ACP2: variants seen among roughly 807,000 people sequenced by gnomAD.
ACP2 encodes the protein lysosomal acid phosphatase.
A neutral mutation model predicts 54.7 loss-of-function variants in ACP2; 35 were observed. That is an observed-to-expected ratio of 0.64 (90% CI 0.49 to 0.85). The LOEUF (loss-of-function observed/expected upper bound fraction) is 0.85. Ranked by LOEUF, ACP2 falls within the 40% of genes least tolerant of loss-of-function variation. ACP2 has a pLI of 0.00. For synonymous variants in ACP2, 210 were observed against 224.4 expected, an observed-to-expected ratio of 0.94 and a Z score of 0.57; for missense variants, 492 against 565.0, an observed-to-expected ratio of 0.87 and a Z score of 1.31.
chr11:47,248,612 T>G, intron 1 of ACP2, 64 bp downstream of exon 1: 1 of 1,561,392 alleles, frequency 6.4e-7, no homozygotes, highest in Non-Finnish European at 8.7e-7. Context: ...ATCCTCGACC[T>G]CCACCAGCTG....
chr11:47,248,349 G>A (rs1330761600), intron 1 of ACP2: 5 of 1,258,380 alleles, frequency 4.0e-6, no homozygotes, highest in South Asian at 2.8e-5. Context: ...GCAAAGCCAA[G>A]GTACAGGTAG....
intron 7 of ACP2, among the ~76,000 whole-genome samples, chr11:47,243,863 G>A (rs911864867): frequency 1.3e-4 from 20 of 152,276 alleles, no homozygotes; most frequent in Admixed American, 9.2e-4. Flanking sequence ...AGGGCTGGGC[G>A]TGGTGGCTCA....
Position 47,241,344 on chromosome 11 carries a change from C to T in ACP2, c.1139-1095G>A, listed in dbSNP as rs527247775. Among the ~76,000 whole-genome samples, 85 of 152,278 alleles carry T rather than the reference C, an allele frequency of 5.6e-4. 1 individual carries two copies. Among genetic ancestry groups the T allele is most frequent in the Admixed American group, 5.9e-4 (9 of 15,290 alleles). ...ACCAGCCTGACCAACATGGAGAAAC[C>T]TCATCTCTACTGAAAATACAAAATC... On this transcript the variant is annotated intron_variant, in intron 10 of 10. Coordinates refer to ENST00000672073, the MANE Select transcript of ACP2 (RefSeq NM_001610.4).
At chr11:47,248,448 ACCATTCAACCACTT>A in intron 1 of ACP2, 1 of 1,543,994 alleles carries the variant, frequency 6.5e-7, no homozygotes, top group Non-Finnish European at 8.7e-7. Context: ...ATGAGTCTTA[ACCATTCAACCACTT>A]CCCTGTCTCA....
chr11:47,244,892 G>A, intron 6 of ACP2, 25 bp from the exon 7 acceptor site: 3 of 1,580,636 alleles, frequency 1.9e-6, no homozygotes, highest in Non-Finnish European at 2.6e-6. Context: ...AGGCAGGTTA[G>A]CGCCCCAGGC....
intron 6 of ACP2, 100 bp downstream of exon 6, chr11:47,245,205 A>T: frequency 7.7e-7 from 1 of 1,302,424 alleles, no homozygotes; most frequent in Non-Finnish European, 1.1e-6. Flanking sequence ...GGACCTCCCC[A>T]GGGGCGTGAC....
In ACP2 at chr11:47,247,643, C is replaced by T; in HGVS notation, c.295G>A (p.Glu99Lys). Residue 99 changes from glutamate to lysine, a missense_variant and splice_region_variant, in exon 3 of 11, where the codon GAG becomes AAG. Physicochemically the swap from Glu to Lys is moderately conservative, Grantham distance 56. Coordinates refer to ENST00000672073, the MANE Select transcript of ACP2 (RefSeq NM_001610.4). ...GCCTCTGGAGCTCCCAACCTTACCTCTTGCCGGTGATAAGAGGTGTTTAGG... is the reference window on the plus strand; with the variant it reads ...GCCTCTGGAGCTCCCAACCTTACCTTTTGCCGGTGATAAGAGGTGTTTAGG... ...GFLNTSYHRQ[E>K]VYVRSTDFDR... is the part of the protein sequence containing the mutation. The T allele has an allele frequency of 6.2e-7, 1 of 1,614,236 alleles. No homozygotes were observed. Among genetic ancestry groups the T allele is most frequent in the South Asian group, 1.1e-5 (1 of 91,084 alleles).
At chr11:47,241,116 G>A (rs1315564967) in intron 10 of ACP2, among the ~76,000 whole-genome samples, 1 of 152,246 alleles carries the variant, frequency 6.6e-6, no homozygotes, top group Non-Finnish European at 1.5e-5. Flanking sequence ...ACCAGATGGA[G>A]TAGGGCCTAG....
chr11:47,240,171 A>G lies in ACP2; in HGVS notation c.1217T>C (p.Met406Thr), dbSNP rs1953832670. The G allele has an allele frequency of 1.9e-6, 3 of 1,614,052 alleles. No individual in the cohort carries two copies. The highest frequency in any genetic ancestry group is 1.7e-6 in the Non-Finnish European group (2 of 1,180,024). Residue 406 changes from methionine (M) to threonine (T), a missense_variant, in exon 11 of 11, where the codon ATG (methionine) becomes ACG (threonine). Coordinates refer to ENST00000672073, the MANE Select transcript of ACP2 (RefSeq NM_001610.4). The part of the protein sequence containing the change: ...IVLLLTVLFR[M>T]QAQPPGYRHV... ...GCGGTAGCCAGGAGGCTGGGCCTGC[A>G]TCCGGAAGAGGACGGTGAGGAGCAG... is the stretch of plus-strand genomic sequence containing the variant.
In ACP2 at chr11:47,239,325, C is replaced by T. The variant is rs1341366122; in HGVS notation, c.*791G>A. The stretch of plus-strand genomic sequence containing the variant: ...ACTATCAGTCCAATAGGAAACAGCA[C>T]TATTCATTCTCTGGGAGCTGCCCCA... On this transcript the variant is annotated 3_prime_UTR_variant, in exon 11 of 11. Transcript: ENST00000672073. 4.6e-6 allele frequency: 1 copy of T among 215,710 alleles called. No homozygotes were observed. The highest frequency in any genetic ancestry group is 9.5e-6 in the Non-Finnish European group (1 of 104,878). The allele number at this position is 215,710 out of a possible 1,614,324, so 13.4% of individuals were successfully genotyped here.
intron 3 of ACP2, among the ~76,000 whole-genome samples, chr11:47,246,560 G>A (rs1195372176): frequency 6.6e-6 from 1 of 152,018 alleles, no homozygotes; most frequent in Non-Finnish European, 1.5e-5. Flanking sequence ...GGGTGACAGA[G>A]TGAGACCCCT....
At chr11:47,247,616 T>G in intron 3 of ACP2, 25 bp downstream of exon 3, 1 of 1,614,060 alleles carries the variant, frequency 6.2e-7, no homozygotes, top group South Asian at 1.1e-5. Flanking sequence ...CTTGTTCCCC[T>G]TGCCTCTGGA....
In ACP2 at chr11:47,240,237, G is replaced by C; in HGVS notation, c.1151C>G (p.Ala384Gly). Reference protein sequence around the residue: ...SGPADTEVIVALAVCGSILFL... With the variant: ...SGPADTEVIVGLAVCGSILFL... ...GAGGATGGAGCCACATACAGCCAAG[G>C]CCACAATCACCTCTGGGCATGGGGG... Residue 384 changes from alanine to glycine, a missense_variant, in exon 11 of 11, where the codon GCC (alanine) becomes GGC (glycine). Transcript: ENST00000672073. 1 of 1,530,514 alleles carries C rather than the reference G, an allele frequency of 6.5e-7. No homozygotes were observed. Among genetic ancestry groups the C allele is most frequent in the Non-Finnish European group, 9.1e-7 (1 of 1,103,706 alleles). The allele number at this position is 1,530,514 out of a possible 1,614,324, so 94.8% of individuals were successfully genotyped here.
At chr11:47,245,067 G>C (rs1591016649) in intron 6 of ACP2, 200 bp from the exon 7 acceptor site, 5 of 1,058,756 alleles carry the variant, frequency 4.7e-6, no homozygotes, top group Non-Finnish European at 6.9e-6. Flanking sequence ...CAAAAAGTGA[G>C]ACTCAGCAGA....
chr11:47,242,899 C>G lies in ACP2; in HGVS notation c.963-1G>C. 2 of 1,610,544 alleles carry G rather than the reference C, an allele frequency of 1.2e-6. No homozygotes were observed. The highest frequency in any genetic ancestry group is 1.7e-6 in the Non-Finnish European group (2 of 1,177,048). On this transcript the variant is annotated splice_acceptor_variant, in intron 9 of 10. Coordinates refer to ENST00000672073, the MANE Select transcript of ACP2 (RefSeq NM_001610.4). LOFTEE classifies it high-confidence loss of function. ...AAAGTACATCTCCACTGAGAAATTC[C>G]TGAGGGTCGACAGGAGGCAACATGG... is the stretch of plus-strand genomic sequence containing the variant.
At chr11:47,248,611 C>G in intron 1 of ACP2, 65 bp downstream of exon 1, 1 of 1,560,930 alleles carries the variant, frequency 6.4e-7, no homozygotes, top group Non-Finnish European at 8.7e-7. Context: ...GATCCTCGAC[C>G]TCCACCAGCT....
chr11:47,242,991 C>T lies in ACP2; in HGVS notation c.962+27G>A, dbSNP rs1198834979. ...CGAGCCACCTCCCGAGGGCCCCCCT[C>T]CAGAGGACACTGCTAGCTCCACTCA... On this transcript the variant is annotated intron_variant, in intron 9 of 10. Transcript: ENST00000672073. 25 of 1,613,894 alleles carry T rather than the reference C, an allele frequency of 1.5e-5. No homozygotes were observed. The Admixed American group carries it at 4.2e-4, about 27-fold the overall frequency.
rs375312302 is a variant in ACP2 at position 47,244,691 on chromosome 11, T to C, written c.772+44A>G. 3.1e-4 allele frequency: 466 copies of C among 1,498,324 alleles called. 1 individual carries two copies. In the African/African-American group the frequency reaches 4.2e-3, roughly 13 times the overall value. 92.8% of individuals were successfully genotyped at this position (1,498,324 alleles called of 1,614,324 possible). On this transcript the variant is annotated intron_variant, in intron 7 of 10. Transcript: ENST00000672073. ...CCCCCACAGCAGATTTTTAACGCCT[T>C]AGGGTCCTGAGGAGTAGAGTGACAC...
intron 7 of ACP2, among the ~76,000 whole-genome samples, chr11:47,244,357 A>T (rs1953974363): frequency 6.6e-6 from 1 of 152,134 alleles, no homozygotes; most frequent in South Asian, 2.1e-4. Context: ...CCTACTAAAA[A>T]TACAAAAGTT....
Sources: gnomAD v4.1 joint callset for allele counts (sites outside exome capture counted in the v4.1 genomes callset) on GRCh38, gnomAD v4.1.1 for gene constraint, MANE v1.5 for transcripts, NCBI Gene and HGNC (gene_info 2026-07-23, HGNC 2026-07-21) for gene names.